CA5A: variants seen among roughly 807,000 people sequenced by gnomAD.
The protein encoded by CA5A is carbonic anhydrase 5A.
A neutral mutation model predicts 37.1 loss-of-function variants in CA5A; 28 were observed. The ratio of observed to expected loss-of-function variants is 0.75; its 90% CI spans 0.56 to 1.03. The LOEUF (loss-of-function observed/expected upper bound fraction) is 1.03, where lower values mean the gene tolerates loss of function less well. Ranked by LOEUF, CA5A falls within the 50% of genes least tolerant of loss-of-function variation. The pLI is 0.00. For synonymous variants in CA5A, 171 were observed against 158.4 expected, an observed-to-expected ratio of 1.08 and a Z score of -0.60; for missense variants, 444 against 399.9, an observed-to-expected ratio of 1.11 and a Z score of -0.94.
chr16:87,888,484 G>C (rs377016165), intron 6 of CA5A, among the ~76,000 whole-genome samples: 1 of 152,160 alleles, frequency 6.6e-6, no homozygotes, highest in African/African-American at 2.4e-5. Flanking sequence ...TTGCTCTGGG[G>C]GGAAGCTGGT....
chr16:87,922,862 G>T lies in CA5A; in HGVS notation c.340+3886C>A, dbSNP rs377568952. The stretch of plus-strand genomic sequence containing the variant: ...CCAGATTCCCTTCTTTGCAGAGCAC[G>T]GAGTCCCATTGGGAGGCCTCTGTGG... On this transcript the variant is annotated intron_variant, in intron 2 of 6. Coordinates refer to ENST00000649794, the MANE Select transcript of CA5A (RefSeq NM_001739.2). 2.0e-5 allele frequency among the ~76,000 whole-genome samples: 3 copies of T among 152,360 alleles called. No homozygotes were observed. The South Asian group carries it at 6.2e-4, about 32-fold the overall frequency.
At chr16:87,888,329 T>A in intron 6 of CA5A, 57 bp from the exon 7 acceptor site, 4 of 1,519,750 alleles carry the variant, frequency 2.6e-6, no homozygotes, top group Non-Finnish European at 3.6e-6. Context: ...AGCCAGCCTC[T>A]GGGTGTCCCT....
At chr16:87,926,667 C>A in intron 2 of CA5A, 81 bp downstream of exon 2, 1 of 1,118,146 alleles carries the variant, frequency 8.9e-7, no homozygotes, top group Non-Finnish European at 1.3e-6. Context: ...CTGCTCTCCT[C>A]CCCCTTCTCC....
intron 4 of CA5A, among the ~76,000 whole-genome samples, chr16:87,902,196 A>G (rs1176358590): frequency 1.3e-5 from 2 of 152,032 alleles, no homozygotes; most frequent in Admixed American, 1.3e-4. Flanking sequence ...TCTACTAAAA[A>G]TACAAAAATT....
chr16:87,917,116 A>G (rs1567529978), intron 2 of CA5A, among the ~76,000 whole-genome samples: 1 of 80,056 alleles, frequency 1.2e-5, no homozygotes, highest in African/African-American at 9.2e-5. Flanking sequence ...AAAAAAAAAA[A>G]AAAAAGAAAA....
At chr16:87,889,495 T>G (rs2055683385) in intron 6 of CA5A, among the ~76,000 whole-genome samples, 1 of 152,076 alleles carries the variant, frequency 6.6e-6, no homozygotes, top group Non-Finnish European at 1.5e-5. Flanking sequence ...TTTTTATGGC[T>G]GGATGTGGTG....
At chr16:87,895,258 TAA>T (rs1279077899) in intron 5 of CA5A, among the ~76,000 whole-genome samples, 1 of 147,730 alleles carries the variant, frequency 6.8e-6, no homozygotes, top group Admixed American at 6.8e-5. Flanking sequence ...TTAAAATAAG[TAA>T]ATAGGCTGGG....
intron 2 of CA5A, among the ~76,000 whole-genome samples, chr16:87,925,159 G>A (rs144644619): frequency 8.3e-4 from 126 of 152,346 alleles, no homozygotes; most frequent in African/African-American, 2.8e-3. Context: ...GATGCCTGCC[G>A]GAGAGGATGT....
intron 2 of CA5A, chr16:87,923,404 A>T (rs919662197): frequency 1.1e-5 from 3 of 265,498 alleles, no homozygotes; most frequent in Non-Finnish European, 1.7e-5. Context: ...GCCAGGCTGA[A>T]CTTGAACTTC....
chr16:87,920,035 G>A (rs573545880), intron 2 of CA5A, among the ~76,000 whole-genome samples: 43 of 152,246 alleles, frequency 2.8e-4, no homozygotes, highest in African/African-American at 8.4e-4. Context: ...CAGGAGGGCC[G>A]GGCTTACCTG....
intron 6 of CA5A, among the ~76,000 whole-genome samples, chr16:87,888,721 A>G (rs993685375): frequency 1.3e-5 from 2 of 152,144 alleles, no homozygotes; most frequent in Non-Finnish European, 2.9e-5. Flanking sequence ...TCACAACCCA[A>G]GGAAACTATG....
intron 2 of CA5A, among the ~76,000 whole-genome samples, chr16:87,926,380 C>T (rs899858264): frequency 6.6e-6 from 1 of 152,216 alleles, no homozygotes; most frequent in African/African-American, 2.4e-5. Flanking sequence ...GGGCGTCCAG[C>T]CACCGCTGCC....
downstream of CA5A, chr16:87,887,209 A>C (rs915621068): frequency 2.0e-5 from 3 of 150,694 alleles, no homozygotes; most frequent in Non-Finnish European, 3.0e-5. Flanking sequence ...GGCCTACTAC[A>C]GCTTTTGAAG....
intron 4 of CA5A, chr16:87,882,308 T>G (rs1261369621): frequency 9.8e-6 from 1 of 102,356 alleles, no homozygotes; most frequent in East Asian, 2.7e-4. Context: ...TTCTCCTGGG[T>G]TTTAAGGTTC....
chr16:87,904,106 C>A (rs2143959391), intron 3 of CA5A, among the ~76,000 whole-genome samples: 1 of 152,252 alleles, frequency 6.6e-6, no homozygotes, highest in Middle Eastern at 3.4e-3. Context: ...CTTTGGGAGG[C>A]TGAGGTGGGT....
chr16:87,882,496 C>G (rs1204453153), intron 4 of CA5A: 1 of 152,262 alleles, frequency 6.6e-6, no homozygotes, highest in East Asian at 1.9e-4. Flanking sequence ...CTTGTCGCAA[C>G]TCAATGGGAG....
chr16:87,891,699 A>G lies in CA5A; in HGVS notation c.774+100T>C, dbSNP rs985864178. 1.2e-5 allele frequency: 13 copies of G among 1,067,318 alleles called. No individual in the cohort carries two copies. In the African/African-American group the frequency reaches 2.0e-4, roughly 17 times the overall value. The allele number at this position is 1,067,318 out of a possible 1,614,324, so 66.1% of individuals were successfully genotyped here. On this transcript the variant is annotated intron_variant, in intron 6 of 6. Coordinates refer to ENST00000649794, the MANE Select transcript of CA5A (RefSeq NM_001739.2). ...GCCCCAAATGCATGAAAGAATATAT[A>G]TAACTCCACAACGCTCTCATGCAGC...
At position 87,926,828 on chromosome 16, in the gene CA5A, T is replaced by C; in HGVS notation, c.260A>G (p.Tyr87Cys). ...GATGTACAGGCAGGATGCCGCTTCA[T>C]AGGAGACCCTGAGTGGCTTCAGCTG... The part of the protein sequence containing the change: ...DPQLKPLRVS[Y>C]EAASCLYIWN... Residue 87 changes from tyrosine to cysteine, a missense_variant, in exon 2 of 7, where the codon TAT (tyrosine) becomes TGT (cysteine). Tyr to Cys is a radical substitution (Grantham distance 194). Coordinates refer to ENST00000649794, the MANE Select transcript of CA5A (RefSeq NM_001739.2). 1 of 1,614,128 alleles carries C rather than the reference T, an allele frequency of 6.2e-7. No individual in the cohort carries two copies. The highest frequency in any genetic ancestry group is 2.2e-5 in the East Asian group (1 of 44,876).
intron 1 of CA5A, among the ~76,000 whole-genome samples, chr16:87,933,177 G>C (rs1674639304): frequency 6.6e-6 from 1 of 152,258 alleles, no homozygotes; most frequent in Non-Finnish European, 1.5e-5. Context: ...GTGCAGCAGT[G>C]TGCTGGTTGA....
Sources: gnomAD v4.1 joint callset for allele counts (sites outside exome capture counted in the v4.1 genomes callset) on GRCh38, gnomAD v4.1.1 for gene constraint, MANE v1.5 for transcripts, NCBI Gene and HGNC (gene_info 2026-07-23, HGNC 2026-07-21) for gene names.